The following GLI2 variants were observed in gnomAD, a reference collection of about 807,000 sequenced individuals.
GLI2 encodes GLI family zinc finger 2.
GLI2 carries 22 observed loss-of-function variants against 78.9 expected under a neutral mutation model. The observed-to-expected ratio is 0.28, with a 90% CI of 0.20 to 0.40. The LOEUF (loss-of-function observed/expected upper bound fraction) is 0.40. Ranked by LOEUF, GLI2 falls within the 10% of genes least tolerant of loss-of-function variation. The pLI, the probability that GLI2 is intolerant of heterozygous loss-of-function variation, is 1.00. For synonymous variants in GLI2, 974 were observed against 963.7 expected (o/e 1.01, Z -0.20); for missense variants, 2,097 against 2,213.2 (o/e 0.95, Z 1.05).
At chr2:120,792,964 C>G (rs1250589144) in intron 1 of GLI2, among the ~76,000 whole-genome samples, 1 of 152,194 alleles carries the variant, frequency 6.6e-6, no homozygotes, top group Middle Eastern at 3.2e-3. Context: ...CTTATGAGCA[C>G]CCCGTTCGGT....
intron 3 of GLI2, among the ~76,000 whole-genome samples, chr2:120,949,787 G>A (rs886536456): frequency 1.3e-5 from 2 of 152,204 alleles, no homozygotes; most frequent in Non-Finnish European, 2.9e-5. Context: ...CTCCCAGGGG[G>A]GTGTTTGTGA....
At position 120,982,976 on chromosome 2, in the gene GLI2, C is replaced by T. The variant is rs952744838; in HGVS notation, c.1632+96C>T. 36 of 1,221,152 alleles carry T rather than the reference C, an allele frequency of 2.9e-5. No individual in the cohort carries two copies. The Admixed American group carries it at 3.4e-4, about 12-fold the overall frequency. 75.6% of individuals were successfully genotyped at this position (1,221,152 alleles called of 1,614,324 possible). A position where few individuals can be genotyped will look rare whatever the true frequency, so the allele number is the denominator to read the frequency against. On this transcript the variant is annotated intron_variant, in intron 11 of 13. Coordinates refer to ENST00000361492, the MANE Select transcript of GLI2 (RefSeq NM_001374353.1). ...TGTAGTCCAGTAGATAGCCAGGTGC[C>T]CCATGTCCCGCCCCCGCCACTGACC...
At chr2:120,943,928 T>G (rs1293658538) in intron 3 of GLI2, among the ~76,000 whole-genome samples, 1 of 152,164 alleles carries the variant, frequency 6.6e-6, no homozygotes. Context: ...TTAAGGAACA[T>G]GCCGGTTCTT....
chr2:120,888,975 G>A (rs1353177870), intron 2 of GLI2, among the ~76,000 whole-genome samples: 2 of 152,326 alleles, frequency 1.3e-5, no homozygotes, highest in Admixed American at 6.5e-5. Flanking sequence ...TTTCCCTGGG[G>A]GTGGGGAGGG....
chr2:120,878,318 TCTAA>T (rs774622596), intron 2 of GLI2, among the ~76,000 whole-genome samples: 2 of 152,258 alleles, frequency 1.3e-5, no homozygotes, highest in Non-Finnish European at 2.9e-5. Flanking sequence ...CAATAATGGC[TCTAA>T]CTGAGGAAGC....
intron 2 of GLI2, among the ~76,000 whole-genome samples, chr2:120,811,964 T>C (rs569718414): frequency 6.6e-6 from 1 of 152,240 alleles, no homozygotes; most frequent in African/African-American, 2.4e-5. Context: ...CAAGGTCCAC[T>C]TCTCTGGAAC....
At chr2:120,946,105 A>G (rs1680698949) in intron 3 of GLI2, among the ~76,000 whole-genome samples, 1 of 152,122 alleles carries the variant, frequency 6.6e-6, no homozygotes, top group Non-Finnish European at 1.5e-5. Context: ...TTCTCTGAGA[A>G]GCCTTCCTGC....
intron 8 of GLI2, chr2:120,972,769 G>T (rs1033122508): frequency 8.2e-6 from 4 of 488,920 alleles, no homozygotes; most frequent in African/African-American, 5.8e-5. Flanking sequence ...AAGTTCAAGC[G>T]GGGAGAGAAG....
At chr2:120,826,655 T>C (rs1441042005) in intron 2 of GLI2, among the ~76,000 whole-genome samples, 4 of 152,218 alleles carry the variant, frequency 2.6e-5, no homozygotes, top group Admixed American at 2.6e-4. Flanking sequence ...ATTAGGGACC[T>C]GAGTTTCAGA....
chr2:120,875,191 G>T (rs747667425), intron 2 of GLI2, among the ~76,000 whole-genome samples: 3 of 152,240 alleles, frequency 2.0e-5, no homozygotes, highest in Non-Finnish European at 4.4e-5. Flanking sequence ...CTGGGGACAG[G>T]CATGTGCCAT....
Position 120,951,221 on chromosome 2 carries a change from C to A in GLI2, c.255-22C>A, listed in dbSNP as rs374679473. On this transcript the variant is annotated intron_variant, in intron 3 of 13. Transcript: ENST00000361492. ...TTCCCTCTGTGTCCTCCTTCTTAGA[C>A]GGCTGCCCATTGTCTCTGCAGGCCC... The A allele has an allele frequency of 1.1e-5, 16 of 1,431,322 alleles. No homozygotes were observed. In the East Asian group the frequency reaches 3.2e-4, roughly 28 times the overall value. 88.7% of individuals were successfully genotyped at this position (1,431,322 alleles called of 1,614,324 possible). A position where few individuals can be genotyped will look rare whatever the true frequency, so the allele number is the denominator to read the frequency against.
intron 1 of GLI2, among the ~76,000 whole-genome samples, chr2:120,763,802 T>C (rs1015084203): frequency 6.6e-6 from 1 of 152,202 alleles, no homozygotes; most frequent in Non-Finnish European, 1.5e-5. Flanking sequence ...CTGCCACTGA[T>C]GTGTCTGTGG....
chr2:120,920,599 G>A (rs1487322138), intron 2 of GLI2, among the ~76,000 whole-genome samples: 1 of 152,192 alleles, frequency 6.6e-6, no homozygotes, highest in African/African-American at 2.4e-5. Flanking sequence ...AACATTTGGT[G>A]TTGAAACTGC....
rs370239480 is a variant in GLI2 at position 120,859,192 on chromosome 2, G to A, written c.148+61724G>A. The stretch of plus-strand genomic sequence containing the variant: ...GTCTGAAAATGTCAGGGATGGGAGA[G>A]GCCTTTGTCGTTTTTACAGGTGAGG... On this transcript the variant is annotated intron_variant, in intron 2 of 13. Coordinates refer to ENST00000361492, the MANE Select transcript of GLI2 (RefSeq NM_001374353.1). 1.8e-4 allele frequency among the ~76,000 whole-genome samples: 28 copies of A among 152,336 alleles called. No individual in the cohort carries two copies. In the South Asian group the frequency reaches 5.6e-3, roughly 30 times the overall value.
intron 2 of GLI2, among the ~76,000 whole-genome samples, chr2:120,821,621 G>A (rs946407452): frequency 1.8e-4 from 28 of 152,292 alleles, no homozygotes; most frequent in African/African-American, 6.5e-4. Context: ...CAGTAAGCCT[G>A]GTCCACTGCC....
intron 5 of GLI2, among the ~76,000 whole-genome samples, chr2:120,961,619 G>A (rs4625912): frequency 0.8 from 121,961 of 152,136 alleles, 52,958 homozygotes; most frequent in East Asian, 1. Flanking sequence ...CGGCCCAGGC[G>A]CTTGCTACTC....
At chr2:120,834,098 T>C (rs961682405) in intron 2 of GLI2, among the ~76,000 whole-genome samples, 4 of 152,150 alleles carry the variant, frequency 2.6e-5, no homozygotes, top group South Asian at 4.1e-4. Context: ...CTCTGCACAA[T>C]GTACAAAAAT....
At chr2:120,920,560 G>A (rs2104843881) in intron 2 of GLI2, among the ~76,000 whole-genome samples, 1 of 152,290 alleles carries the variant, frequency 6.6e-6, no homozygotes, top group African/African-American at 2.4e-5. Flanking sequence ...CCACACCAAT[G>A]TCTGCTCGCC....
At chr2:120,935,845 G>A (rs762642650) in intron 3 of GLI2, among the ~76,000 whole-genome samples, 30 of 152,320 alleles carry the variant, frequency 2.0e-4, no homozygotes, top group Non-Finnish European at 2.4e-4. Flanking sequence ...AACGAGGAGC[G>A]TGTGTGATAA....
Sources: gnomAD v4.1 joint callset for allele counts (sites outside exome capture counted in the v4.1 genomes callset) on GRCh38, gnomAD v4.1.1 for gene constraint, MANE v1.5 for transcripts, NCBI Gene and HGNC (gene_info 2026-07-23, HGNC 2026-07-21) for gene names.